The following DPAGT1 variants were observed in gnomAD, a reference collection of about 807,000 sequenced individuals.
DPAGT1 encodes UDP-N-acetylglucosamine--dolichyl-phosphate N-acetylglucosaminephosphotransferase.
DPAGT1 carries 25 observed loss-of-function variants against 39.3 expected under a neutral mutation model. That is an observed-to-expected ratio of 0.64 (90% CI 0.46 to 0.89). DPAGT1 has a LOEUF of 0.89. DPAGT1 is among the 40% of genes least tolerant of loss of function. The probability of loss-of-function intolerance (pLI) is 0.00; values close to 1 mark genes in which losing one functional copy is unlikely to be tolerated. For missense variants in DPAGT1, 381 were observed against 500.6 expected (o/e 0.76, Z 2.28); for synonymous variants, 193 against 201.4 (o/e 0.96, Z 0.36).
downstream of DPAGT1, among the ~76,000 whole-genome samples, chr11:119,095,829 G>A (rs1946383717): frequency 6.6e-6 from 1 of 152,136 alleles, no homozygotes; most frequent in East Asian, 1.9e-4. Flanking sequence ...GATTTTTAAA[G>A]GAAAGGGGTC....
intron 3 of DPAGT1, 34 bp downstream of exon 3, chr11:119,100,596 G>A (rs1379044344): frequency 1.1e-5 from 17 of 1,612,768 alleles, no homozygotes; most frequent in Non-Finnish European, 1.4e-5. Context: ...CCTGAAGTAG[G>A]TGCCATAGGG....
intron 1 of DPAGT1, 60 bp from the exon 2 acceptor site, chr11:119,101,198 G>C: frequency 6.2e-7 from 1 of 1,610,418 alleles, no homozygotes; most frequent in African/African-American, 1.3e-5. Flanking sequence ...TCACTCACTA[G>C]TGCAGGTGTT....
At chr11:119,095,544 A>C, downstream of DPAGT1, 1 of 843,370 alleles carries the variant, frequency 1.2e-6, no homozygotes, top group Non-Finnish European at 1.7e-6. Flanking sequence ...TCTTTTCTCC[A>C]ATACCCGCCT....
At position 119,096,817 on chromosome 11, in the gene DPAGT1, A is replaced by G. The variant is rs1592224914; in HGVS notation, c.*181T>C. 2 of 737,296 alleles carry G rather than the reference A, an allele frequency of 2.7e-6. No homozygotes were observed. Among genetic ancestry groups the G allele is most frequent in the Non-Finnish European group, 4.6e-6 (2 of 432,828 alleles). 45.7% of individuals were successfully genotyped at this position (737,296 alleles called of 1,614,324 possible). A position where few individuals can be genotyped will look rare whatever the true frequency, so the allele number is the denominator to read the frequency against. On this transcript the variant is annotated 3_prime_UTR_variant, in exon 9 of 9. Transcript: ENST00000354202. The stretch of plus-strand genomic sequence containing the variant: ...GTAAAATCCAATCAGTAGTCAGCAG[A>G]GGGCAAGAAACGCCCAGGATGCCAA...
rs1215720740 is a variant in DPAGT1, at chr11:119,097,722, G to A, written c.917+133C>T. 1.4e-6 allele frequency: 2 copies of A among 1,456,030 alleles called. No individual in the cohort carries two copies. The highest frequency in any genetic ancestry group is 1.9e-6 in the Non-Finnish European group (2 of 1,041,268). The allele number at this position is 1,456,030 out of a possible 1,614,324, so 90.2% of individuals were successfully genotyped here. ...TTATGCAAATAAATGTGCTTTGTAA[G>A]TTATAAAGGGCTACTCACATGGAAA... On this transcript the variant is annotated intron_variant, in intron 6 of 8. Transcript: ENST00000354202. The surrounding 1 kb of genome is among the most constrained non-coding windows in gnomAD (Gnocchi z 4.6).
In DPAGT1 at chr11:119,098,399, T is replaced by C; in HGVS notation, c.728+4A>G. On this transcript the variant is annotated splice_donor_region_variant and intron_variant, in intron 5 of 8. Coordinates refer to ENST00000354202, the MANE Select transcript of DPAGT1 (RefSeq NM_001382.4). ...GTTGTCCCCTTATCCACAGGCCTACTTACCAGTTGTGGTAGAGCAATCCCA... is the reference window on the plus strand; with the variant it reads ...GTTGTCCCCTTATCCACAGGCCTACCTACCAGTTGTGGTAGAGCAATCCCA... 1 of 1,613,552 alleles carries C rather than the reference T, an allele frequency of 6.2e-7. No individual in the cohort carries two copies. The highest frequency in any genetic ancestry group is 1.1e-5 in the South Asian group (1 of 91,054).
chr11:119,101,182 G>A (rs1271966467), intron 1 of DPAGT1, 44 bp from the exon 2 acceptor site: 1 of 1,612,576 alleles, frequency 6.2e-7, no homozygotes, highest in Non-Finnish European at 8.5e-7. Context: ...AGGAAAGGGG[G>A]CGTGGTCACT....
chr11:119,099,941 G>A (rs1452980109), intron 4 of DPAGT1, among the ~76,000 whole-genome samples: 1 of 152,100 alleles, frequency 6.6e-6, no homozygotes, highest in Admixed American at 6.6e-5. Flanking sequence ...GATTACAGAG[G>A]GAGGGGTCTA....
chr11:119,096,152 G>A (rs889778078), downstream of DPAGT1, among the ~76,000 whole-genome samples: 1 of 151,992 alleles, frequency 6.6e-6, no homozygotes, highest in Admixed American at 6.6e-5. Flanking sequence ...TTGTAGAGAC[G>A]GAGTCTCGTT....
chr11:119,094,575 A>C, downstream of DPAGT1: 1 of 165,884 alleles, frequency 6.0e-6, no homozygotes, highest in East Asian at 1.7e-4. Flanking sequence ...GCGACTCGGG[A>C]TGGGGCGGCT....
Position 119,100,681 on chromosome 11 carries a change from T to G in DPAGT1, c.445A>C (p.Ile149Leu). The change falls in exon 3 of 9, where the codon ATT (isoleucine) becomes CTT (leucine). Residue 149 changes from isoleucine (I) to leucine (L), a missense_variant. By Grantham distance (5) the Ile-to-Leu change is conservative. Transcript: ENST00000354202. Reference protein sequence around the residue: ...VYFTNFGNTTIVVPKPFRPIL... With the variant: ...VYFTNFGNTTLVVPKPFRPIL... ...GGGCGGAAGGGCTTGGGCACCACAA[T>G]GGTCGTGTTGCCAAAGTTGGTGAAA... The G allele has an allele frequency of 6.2e-7, 1 of 1,614,174 alleles. No individual in the cohort carries two copies. Among genetic ancestry groups the G allele is most frequent in the Non-Finnish European group, 8.5e-7 (1 of 1,180,026 alleles).
downstream of DPAGT1, chr11:119,095,578 G>T: frequency 1.6e-6 from 1 of 619,720 alleles, no homozygotes; most frequent in Non-Finnish European, 2.6e-6. Context: ...GTTAACCCTT[G>T]GGTGTCGCGG....
downstream of DPAGT1, chr11:119,094,774 C>A (rs558818083): frequency 3.0e-5 from 18 of 607,798 alleles, no homozygotes; most frequent in South Asian, 4.0e-4. Context: ...GGGACGGGAG[C>A]GGGGGCGGGC....
rs1946416577 is a variant in DPAGT1 at position 119,097,371 on chromosome 11, C to T, written c.1006-74G>A. Reference sequence around the variant, plus strand: ...GGAATGTGGATCTATTTAATGCTTTCAAGTTCCCCTTGGATCTGATGTAGG... The same window carrying T: ...GGAATGTGGATCTATTTAATGCTTTTAAGTTCCCCTTGGATCTGATGTAGG... On this transcript the variant is annotated intron_variant, in intron 7 of 8. Coordinates refer to ENST00000354202, the MANE Select transcript of DPAGT1 (RefSeq NM_001382.4). This position sits in a 1 kb window ranked among gnomAD's most constrained non-coding sequence, Gnocchi z 4.6. The T allele has an allele frequency of 6.2e-7, 1 of 1,613,144 alleles. No homozygotes were observed. Among genetic ancestry groups the T allele is most frequent in the African/African-American group, 1.3e-5 (1 of 74,910 alleles).
At position 119,101,473 on chromosome 11, in the gene DPAGT1, G is replaced by A. The variant is rs747953775; in HGVS notation, c.161+22C>T. Reference sequence around the variant, plus strand: ...CTTCCTTAGCCCTTGCCCCCTGCCCGGACCCGTGTGCCGCTGCTCACATCT... The same window carrying A: ...CTTCCTTAGCCCTTGCCCCCTGCCCAGACCCGTGTGCCGCTGCTCACATCT... On this transcript the variant is annotated intron_variant, in intron 1 of 8. Coordinates refer to ENST00000354202, the MANE Select transcript of DPAGT1 (RefSeq NM_001382.4). 26 of 1,613,868 alleles carry A rather than the reference G, an allele frequency of 1.6e-5. 1 individual carries two copies. Among genetic ancestry groups the A allele is most frequent in the Admixed American group, 1.2e-4 (7 of 60,016 alleles).
intron 3 of DPAGT1, 33 bp downstream of exon 3, chr11:119,100,597 T>C: frequency 6.2e-7 from 1 of 1,612,898 alleles, no homozygotes; most frequent in Non-Finnish European, 8.5e-7. Context: ...CTGAAGTAGG[T>C]GCCATAGGGG....
chr11:119,096,581 A>G lies in DPAGT1; in HGVS notation c.*417T>C, dbSNP rs7759. 0.32 allele frequency: 96,676 copies of G among 306,606 alleles called. 16,986 individuals carry two copies. Among genetic ancestry groups the G allele is most frequent in the East Asian group, 0.49 (6,139 of 12,510 alleles). 19.0% of individuals were successfully genotyped at this position (306,606 alleles called of 1,614,324 possible). On this transcript the variant is annotated 3_prime_UTR_variant, in exon 9 of 9. Transcript: ENST00000354202. The stretch of plus-strand genomic sequence containing the variant: ...CCCTGCTTAGTTCTTACTAATCAGA[A>G]CACTTAATTTACAATCAAATGACAT...
In DPAGT1 at chr11:119,098,113, T is replaced by C. The variant is rs878916077; in HGVS notation, c.729-70A>G. ...CAATCCCTTCTCTCACATCACACCC[T>C]ATGGGCACTGGACTAGCCCTGACCC... On this transcript the variant is annotated intron_variant, in intron 5 of 8. Transcript: ENST00000354202. 4 of 1,595,692 alleles carry C rather than the reference T, an allele frequency of 2.5e-6. No individual in the cohort carries two copies. In the Admixed American group the frequency reaches 6.7e-5, roughly 27 times the overall value.
Position 119,096,710 on chromosome 11 carries a change from A to G in DPAGT1, c.*288T>C, listed in dbSNP as rs897858674. ...TGAAATGTGAGTGTGGATAACTGCA[A>G]AAAAAGCTGCTGTATCCCACCCTAT... On this transcript the variant is annotated 3_prime_UTR_variant, in exon 9 of 9. Coordinates refer to ENST00000354202, the MANE Select transcript of DPAGT1 (RefSeq NM_001382.4). 5.9e-6 allele frequency: 3 copies of G among 506,958 alleles called. No homozygotes were observed. The Admixed American group carries it at 9.9e-5, about 17-fold the overall frequency. 31.4% of individuals were successfully genotyped at this position (506,958 alleles called of 1,614,324 possible).
Sources: gnomAD v4.1 joint callset for allele counts (sites outside exome capture counted in the v4.1 genomes callset) on GRCh38, gnomAD v4.1.1 for gene constraint, Gnocchi (gnomAD v3.1) non-coding constraint, MANE v1.5 for transcripts, NCBI Gene and HGNC (gene_info 2026-07-23, HGNC 2026-07-21) for gene names.